The following SNX7 variants were observed in gnomAD, a reference collection of about 807,000 sequenced individuals.
The protein encoded by SNX7 is sorting nexin 7.
In SNX7, 35 loss-of-function variants were observed where a neutral mutation model predicts 48.4. The observed-to-expected ratio is 0.72, with a 90% CI of 0.55 to 0.96. The LOEUF (loss-of-function observed/expected upper bound fraction) is 0.96, where lower values mean the gene tolerates loss of function less well. SNX7 is among the 40% of genes least tolerant of loss of function. SNX7 has a pLI of 0.00. For synonymous variants in SNX7, 190 were observed against 190.2 expected (o/e 1.00, Z 0.01); for missense variants, 553 against 548.9 (o/e 1.01, Z -0.07).
chr1:98,738,385 A>G lies in SNX7; in HGVS notation c.1274A>G (p.Glu425Gly), dbSNP rs1174989367. ...DMAEENIHYY[E>G]QCLATWESFL... Reference sequence around the variant, plus strand: ...GCTGAGGAGAATATCCATTATTATGAACAGGTAATTAGTGTTGTTTGATAT... The same window carrying G: ...GCTGAGGAGAATATCCATTATTATGGACAGGTAATTAGTGTTGTTTGATAT... The change falls in exon 8 of 9, where the codon GAA becomes GGA. Residue 425 changes from glutamate (E) to glycine (G), a missense_variant. By Grantham distance (98) the Glu-to-Gly change is moderately conservative. Coordinates refer to ENST00000306121, the MANE Select transcript of SNX7 (RefSeq NM_015976.5). The G allele has an allele frequency of 6.2e-7, 1 of 1,612,644 alleles. No homozygotes were observed. Among genetic ancestry groups the G allele is most frequent in the East Asian group, 2.2e-5 (1 of 44,766 alleles).
At chr1:98,753,201 A>T (rs936292041) in intron 8 of SNX7, among the ~76,000 whole-genome samples, 2 of 152,020 alleles carry the variant, frequency 1.3e-5, no homozygotes, top group Admixed American at 1.3e-4. Flanking sequence ...TGTTAATGTT[A>T]TTTCTGTTGC....
chr1:98,740,222 G>A (rs535637559), intron 8 of SNX7, among the ~76,000 whole-genome samples: 1 of 152,168 alleles, frequency 6.6e-6, no homozygotes, highest in Non-Finnish European at 1.5e-5. Context: ...ATGATATAAA[G>A]TATTTCTTTT....
intron 4 of SNX7, 27 bp downstream of exon 4, chr1:98,691,726 T>C: frequency 6.5e-7 from 1 of 1,549,372 alleles, no homozygotes; most frequent in Non-Finnish European, 8.8e-7. Flanking sequence ...TATACTCATA[T>C]AATCTTTGGG....
chr1:98,661,563 C>A (rs568052958), upstream of SNX7: 2 of 537,096 alleles, frequency 3.7e-6, no homozygotes, highest in East Asian at 5.0e-5. Flanking sequence ...GGTGGGGATG[C>A]GCCCGGCCCG....
intron 4 of SNX7, among the ~76,000 whole-genome samples, chr1:98,693,868 C>T (rs921100933): frequency 3.3e-5 from 5 of 152,078 alleles, no homozygotes; most frequent in African/African-American, 2.4e-5. Context: ...ATATTTTATT[C>T]GATCCCAAGC....
chr1:98,713,944 G>A (rs1026635934), intron 7 of SNX7, among the ~76,000 whole-genome samples: 1 of 152,178 alleles, frequency 6.6e-6, no homozygotes, highest in African/African-American at 2.4e-5. Flanking sequence ...ATGTGACACA[G>A]ACACGTGAAG....
chr1:98,666,700 C>T (rs903753129), intron 1 of SNX7, among the ~76,000 whole-genome samples: 3 of 152,124 alleles, frequency 2.0e-5, no homozygotes, highest in African/African-American at 7.2e-5. Context: ...TGCTGCTTTC[C>T]TTGAACTTGG....
intron 2 of SNX7, among the ~76,000 whole-genome samples, chr1:98,688,177 A>G (rs1000860692): frequency 6.6e-6 from 1 of 152,184 alleles, no homozygotes; most frequent in Non-Finnish European, 1.5e-5. Context: ...GTAAATATTT[A>G]TATTCATGGG....
At chr1:98,705,631 G>A (rs1285230080) in intron 7 of SNX7, among the ~76,000 whole-genome samples, 1 of 152,136 alleles carries the variant, frequency 6.6e-6, no homozygotes, top group Non-Finnish European at 1.5e-5. Flanking sequence ...GGTAGAATGG[G>A]TATTATGAAA....
At chr1:98,732,441 A>G (rs1165629834) in intron 7 of SNX7, among the ~76,000 whole-genome samples, 1 of 152,134 alleles carries the variant, frequency 6.6e-6, no homozygotes, top group Admixed American at 6.6e-5. Context: ...GGAGTAGTCA[A>G]TTATGTATTC....
chr1:98,684,631 A>T (rs1396332337), intron 1 of SNX7, among the ~76,000 whole-genome samples: 3 of 152,176 alleles, frequency 2.0e-5, no homozygotes, highest in Non-Finnish European at 4.4e-5. Flanking sequence ...ATTTGGAGGG[A>T]ACAGAAACAT....
intron 8 of SNX7, among the ~76,000 whole-genome samples, chr1:98,748,018 C>T (rs1201799936): frequency 1.3e-5 from 2 of 149,858 alleles, no homozygotes; most frequent in Admixed American, 6.6e-5. Context: ...GCTCTGTCGC[C>T]CAGGCTGGAG....
intron 7 of SNX7, among the ~76,000 whole-genome samples, chr1:98,707,656 T>C (rs1652078411): frequency 6.6e-6 from 1 of 152,226 alleles, no homozygotes; most frequent in South Asian, 2.1e-4. Flanking sequence ...GAAAGCAGCA[T>C]TCAAATATAA....
chr1:98,752,219 A>G (rs1298077777), intron 8 of SNX7, among the ~76,000 whole-genome samples: 1 of 152,038 alleles, frequency 6.6e-6, no homozygotes, highest in Non-Finnish European at 1.5e-5. Flanking sequence ...ACCTAACTAT[A>G]TGGTATAAAC....
In SNX7 at chr1:98,760,145, T is replaced by C. The variant is rs781695145; in HGVS notation, c.*14T>C. 1 of 1,577,788 alleles carries C rather than the reference T, an allele frequency of 6.3e-7. No individual in the cohort carries two copies. Among genetic ancestry groups the C allele is most frequent in the Non-Finnish European group, 8.7e-7 (1 of 1,147,642 alleles). Reference sequence around the variant, plus strand: ...GATAAACCTTAATCCCATTGAGGACTTCTGTTTGATCTTTGGGAGACAGCA... The same window carrying C: ...GATAAACCTTAATCCCATTGAGGACCTCTGTTTGATCTTTGGGAGACAGCA... On this transcript the variant is annotated 3_prime_UTR_variant, in exon 9 of 9. Coordinates refer to ENST00000306121, the MANE Select transcript of SNX7 (RefSeq NM_015976.5).
intron 7 of SNX7, among the ~76,000 whole-genome samples, chr1:98,710,306 A>G (rs541232994): frequency 6.6e-6 from 1 of 152,264 alleles, no homozygotes; most frequent in South Asian, 2.1e-4. Flanking sequence ...AGGCCTGTGT[A>G]GGTTTGTGGT....
intron 1 of SNX7, among the ~76,000 whole-genome samples, chr1:98,676,196 A>AT (rs1177802190): frequency 1.3e-5 from 2 of 151,660 alleles, no homozygotes; most frequent in African/African-American, 2.4e-5. Flanking sequence ...ATATTTTGCC[A>AT]TTTTTTTCTG....
intron 1 of SNX7, among the ~76,000 whole-genome samples, chr1:98,669,289 C>T (rs1649712927): frequency 1.3e-5 from 2 of 152,166 alleles, no homozygotes; most frequent in African/African-American, 4.8e-5. Flanking sequence ...ATTAGTGCCT[C>T]CTTTCAGTTT....
chr1:98,714,499 T>C (rs1358710009), intron 7 of SNX7, among the ~76,000 whole-genome samples: 1 of 149,812 alleles, frequency 6.7e-6, no homozygotes, highest in South Asian at 2.1e-4. Flanking sequence ...ATGATAATTT[T>C]AGACTGTGAT....
Sources: allele counts gnomAD v4.1 joint callset (sites outside exome capture counted in the v4.1 genomes callset), GRCh38; gene constraint gnomAD v4.1.1; transcripts MANE v1.5; gene names NCBI Gene and HGNC (gene_info 2026-07-23, HGNC 2026-07-21).